STK26: variants seen among roughly 807,000 people sequenced by gnomAD.
The protein encoded by STK26 is serine/threonine-protein kinase 26.
A neutral mutation model predicts 34.7 loss-of-function variants in STK26; 14 were observed. The ratio of observed to expected loss-of-function variants is 0.40; its 90% CI spans 0.27 to 0.63. The LOEUF is 0.63. Ranked by LOEUF, STK26 falls within the 30% of genes least tolerant of loss-of-function variation. STK26 has a pLI of 0.38. For missense variants in STK26, 226 were observed against 309.1 expected, an observed-to-expected ratio of 0.73 and a Z score of 2.02; for synonymous variants, 100 against 109.8, an observed-to-expected ratio of 0.91 and a Z score of 0.56.
At chrX:132,049,063 C>T (rs1446802482) in intron 2 of STK26, among the ~76,000 whole-genome samples, 1 of 111,815 alleles carries the variant, frequency 8.9e-6, no homozygotes, top group African/African-American at 3.3e-5. Context: ...ACTGTAGCCT[C>T]GCCCTTCTAG....
chrX:132,045,953 G>T (rs189323473), intron 2 of STK26, among the ~76,000 whole-genome samples: 1 of 112,314 alleles, frequency 8.9e-6, no homozygotes, highest in Non-Finnish European at 1.9e-5. Flanking sequence ...CTCCATATTT[G>T]TGAAATGGAG....
intron 2 of STK26, among the ~76,000 whole-genome samples, chrX:132,026,113 A>T (rs1264303478): frequency 8.9e-6 from 1 of 112,190 alleles, no homozygotes; most frequent in Non-Finnish European, 1.9e-5. Flanking sequence ...AAAGAAAATT[A>T]CTTTATCCAC....
chrX:132,049,152 G>A (rs935121186), intron 2 of STK26, among the ~76,000 whole-genome samples: 1 of 110,587 alleles, frequency 9.0e-6, no homozygotes, highest in Non-Finnish European at 1.9e-5. Context: ...CTAATTTTTT[G>A]TATTTCTTTT....
In STK26 at chrX:132,054,136, T is replaced by A. The variant is rs188753466; in HGVS notation, c.43-495T>A. On this transcript the variant is annotated intron_variant, in intron 2 of 11. Transcript: ENST00000394334. ...ACAAAGACCTGTAAAGCCTGGAGTC[T>A]TTTGTGGTCTGTGTTATTTAGATGG... Among the ~76,000 whole-genome samples the A allele has an allele frequency of 3.6e-5, 4 of 112,134 alleles. No individual in the cohort carries two copies. In the East Asian group the frequency reaches 1.1e-3, roughly 31 times the overall value.
chrX:132,023,748 G>T, intron 2 of STK26, 89 bp downstream of exon 2: 1 of 1,059,483 alleles, frequency 9.4e-7, no homozygotes, highest in Non-Finnish European at 1.3e-6. Flanking sequence ...ACAAGGGACG[G>T]CCCCAGGGCT....
chrX:132,044,686 T>TAGAG (rs373102286), intron 2 of STK26, among the ~76,000 whole-genome samples: 1 of 61,405 alleles, frequency 1.6e-5, no homozygotes, highest in South Asian at 7.4e-4. Flanking sequence ...TATATATATA[T>TAGAG]ATAGAGAGAG....
rs1927472496 is a variant in STK26, at chrX:132,073,079, T to A, written c.1212T>A (p.Ile404=). ...GITDKMVKKL[I]EKFQKCSADE... ...CAGATAAAATGGTGAAGAAACTAAT[T>A]GAAAAATTTCAAAAGTAAGTTGGAA... Residue 404 remains isoleucine, a synonymous_variant, in exon 11 of 12, where the codon ATT becomes ATA. Transcript: ENST00000394334. 1.7e-6 allele frequency: 2 copies of A among 1,186,772 alleles called. No homozygotes were observed. Among genetic ancestry groups the A allele is most frequent in the East Asian group, 3.0e-5 (1 of 33,535 alleles).
At chrX:132,041,978 A>G (rs1400973386) in intron 2 of STK26, among the ~76,000 whole-genome samples, 1 of 112,072 alleles carries the variant, frequency 8.9e-6, no homozygotes, top group East Asian at 2.8e-4. Context: ...TAAAAGATTC[A>G]ACTCATTAGT....
Position 132,023,660 on chromosome X carries a change from G to T in STK26, c.42+1G>T. On this transcript the variant is annotated splice_donor_variant, in intron 2 of 11. Coordinates refer to ENST00000394334, the MANE Select transcript of STK26 (RefSeq NM_016542.4). LOFTEE classifies it high-confidence loss of function. Reference sequence around the variant, plus strand: ...GGCTGTCCAAGTGCCTGGGATGCAGGTGAGGAAGCGCAGGCCGCCCCCGCC... The same window carrying T: ...GGCTGTCCAAGTGCCTGGGATGCAGTTGAGGAAGCGCAGGCCGCCCCCGCC... 8.5e-7 allele frequency: 1 copy of T among 1,179,563 alleles called. No homozygotes were observed. Among genetic ancestry groups the T allele is most frequent in the Non-Finnish European group, 1.1e-6 (1 of 879,506 alleles).
intron 2 of STK26, among the ~76,000 whole-genome samples, chrX:132,044,690 G>A (rs2748725): frequency 2.1e-5 from 1 of 47,481 alleles, no homozygotes; most frequent in East Asian, 5.8e-4. Flanking sequence ...TATATATATA[G>A]AGAGAGAGAG....
At chrX:132,068,075 C>T in intron 4 of STK26, 140 bp from the exon 5 acceptor site, 13 of 402,894 alleles carry the variant, frequency 3.2e-5, no homozygotes, top group East Asian at 4.2e-5. Context: ...TTTTTCCTTC[C>T]TTGTTTAGAT....
intron 2 of STK26, among the ~76,000 whole-genome samples, chrX:132,037,067 A>G (rs768691741): frequency 1.8e-5 from 2 of 112,126 alleles, no homozygotes; most frequent in Non-Finnish European, 3.8e-5. Flanking sequence ...TGTAAAAAAT[A>G]TGTATTCAGT....
intron 2 of STK26, among the ~76,000 whole-genome samples, chrX:132,044,362 C>G (rs931762370): frequency 4.5e-5 from 5 of 110,822 alleles, no homozygotes; most frequent in Non-Finnish European, 7.6e-5. Flanking sequence ...AATCAGGTTC[C>G]CCTAGGGGGA....
intron 2 of STK26, among the ~76,000 whole-genome samples, chrX:132,052,383 C>G (rs768603353): frequency 8.1e-5 from 9 of 111,590 alleles, no homozygotes; most frequent in Admixed American, 4.8e-4. Flanking sequence ...TCCCTCCACT[C>G]TGAAAGTTGG....
rs756431297 is a variant in STK26, at chrX:132,070,787, T to A, written c.784-282T>A. ...TAAATACTGTCATGTGTCTCTCTGC[T>A]TTTGAGAAGGCCCTGCCTGCCAGTT... On this transcript the variant is annotated intron_variant, in intron 7 of 11. Transcript: ENST00000394334. Among the ~76,000 whole-genome samples, 44 of 113,060 alleles carry A rather than the reference T, an allele frequency of 3.9e-4. 1 individual carries two copies. The highest frequency in any genetic ancestry group is 3.7e-5 in the Non-Finnish European group (2 of 53,378).
At chrX:132,057,603 T>A (rs1327209104) in intron 3 of STK26, among the ~76,000 whole-genome samples, 1 of 111,471 alleles carries the variant, frequency 9.0e-6, no homozygotes, top group African/African-American at 3.3e-5. Flanking sequence ...AACTGGTATC[T>A]CCTCTGCCGT....
At chrX:132,027,324 A>G (rs1935120807) in intron 2 of STK26, among the ~76,000 whole-genome samples, 1 of 112,118 alleles carries the variant, frequency 8.9e-6, no homozygotes, top group Non-Finnish European at 1.9e-5. Flanking sequence ...TTTGTTATAA[A>G]TAGGCTTTGC....
intron 7 of STK26, among the ~76,000 whole-genome samples, 162 bp from the exon 8 acceptor site, chrX:132,070,907 A>G (rs1011987472): frequency 8.9e-6 from 1 of 112,737 alleles, no homozygotes; most frequent in Non-Finnish European, 1.9e-5. Context: ...CCACTTCAAT[A>G]ATAGAATTAG....
At chrX:132,065,915 T>C (rs1269462235) in intron 4 of STK26, among the ~76,000 whole-genome samples, 1 of 112,063 alleles carries the variant, frequency 8.9e-6, no homozygotes, top group African/African-American at 3.2e-5. Flanking sequence ...GTGCTATTCC[T>C]TTTTCATGTA....
Sources: allele counts gnomAD v4.1 joint callset (sites outside exome capture counted in the v4.1 genomes callset), GRCh38; gene constraint gnomAD v4.1.1; transcripts MANE v1.5; gene names NCBI Gene and HGNC (gene_info 2026-07-23, HGNC 2026-07-21).